Variants in LINGO2 observed in about 807,000 individuals in gnomAD.
LINGO2 encodes the protein leucine-rich repeat and immunoglobulin-like domain-containing nogo receptor-interacting protein 2.
A neutral mutation model predicts 30.6 loss-of-function variants in LINGO2; 14 were observed. That is an observed-to-expected ratio of 0.46 (90% CI 0.30 to 0.72). The LOEUF (loss-of-function observed/expected upper bound fraction) is 0.72, where lower values mean the gene tolerates loss of function less well. LINGO2 is among the 30% of genes least tolerant of loss of function. The pLI, the probability that LINGO2 is intolerant of heterozygous loss-of-function variation, is 0.07. For missense variants in LINGO2, 729 were observed against 751.7 expected, an observed-to-expected ratio of 0.97 and a Z score of 0.35; for synonymous variants, 317 against 288.5, an observed-to-expected ratio of 1.10 and a Z score of -1.00.
At chr9:28,651,536 C>G (rs1024907054) in intron 1 of LINGO2, among the ~76,000 whole-genome samples, 2 of 152,056 alleles carry the variant, frequency 1.3e-5, no homozygotes, top group African/African-American at 4.8e-5. Flanking sequence ...TCCATCAGAG[C>G]TCTCTAAGGG....
chr9:29,195,071 T>C, the LINGO2 span, among the ~76,000 whole-genome samples: 1 of 151,632 alleles, frequency 6.6e-6, no homozygotes, highest in African/African-American at 2.4e-5. Context: ...TAATCTTTTT[T>C]CCATGTCTAC....
At chr9:28,008,272 T>G (rs1226582616) in intron 5 of LINGO2, among the ~76,000 whole-genome samples, 1 of 152,184 alleles carries the variant, frequency 6.6e-6, no homozygotes, top group East Asian at 1.9e-4. Context: ...TATTTATTCC[T>G]CTATATCATC....
At chr9:28,226,683 GAA>G (rs1411371313) in intron 4 of LINGO2, among the ~76,000 whole-genome samples, 4 of 94,274 alleles carry the variant, frequency 4.2e-5, no homozygotes, top group Non-Finnish European at 8.1e-5. Flanking sequence ...AAGAAAGAAA[GAA>G]AGAAAGAAAG....
intron 2 of LINGO2, among the ~76,000 whole-genome samples, chr9:28,402,084 C>A (rs866928330): frequency 6.6e-6 from 1 of 152,050 alleles, no homozygotes; most frequent in Admixed American, 6.6e-5. Context: ...TGACCAAGGC[C>A]TCACTAGGGC....
At chr9:28,943,142 G>A in the LINGO2 span, among the ~76,000 whole-genome samples, 15 of 152,244 alleles carry the variant, frequency 9.9e-5, no homozygotes, top group African/African-American at 2.4e-4. Context: ...AGGTAAAGAC[G>A]CAATCTCAGG....
In LINGO2 at chr9:28,218,546, A is replaced by G. The variant is rs540679622; in HGVS notation, c.-87+76662T>C. On this transcript the variant is annotated intron_variant, in intron 4 of 5. Coordinates refer to ENST00000379992, the Ensembl canonical transcript of LINGO2. ...AAGCCATGGCCTCTAATAATTTTGT[A>G]TCATCTCACAGCCCAATATCCCGTG... 2.6e-5 allele frequency among the ~76,000 whole-genome samples: 4 copies of G among 152,244 alleles called. No homozygotes were observed. In the East Asian group the frequency reaches 5.8e-4, roughly 22 times the overall value.
intron 2 of LINGO2, among the ~76,000 whole-genome samples, chr9:28,412,440 A>G (rs1188897781): frequency 6.6e-6 from 1 of 152,090 alleles, no homozygotes; most frequent in Non-Finnish European, 1.5e-5. Flanking sequence ...ACATAAAATA[A>G]AAATTAAAAA....
intron 5 of LINGO2, among the ~76,000 whole-genome samples, chr9:28,007,014 C>T (rs1822300500): frequency 6.6e-6 from 1 of 152,236 alleles, no homozygotes; most frequent in South Asian, 2.1e-4. Context: ...AATCTGGACC[C>T]TTGTGACTAG....
chr9:28,588,864 C>A (rs1017826426), intron 1 of LINGO2, among the ~76,000 whole-genome samples: 16 of 152,022 alleles, frequency 1.1e-4, no homozygotes, highest in Admixed American at 8.5e-4. Context: ...GACTCAAGGC[C>A]AGTTCCTTCC....
chr9:28,744,639 T>TGTGTGTGTGTGTGTGTGTGTGTGTG, the LINGO2 span, among the ~76,000 whole-genome samples: 1 of 141,536 alleles, frequency 7.1e-6, no homozygotes, highest in Non-Finnish European at 1.5e-5. Context: ...TGTGTGTGTG[T>TGTGTGTGTGTGTGTGTGTGTGTGTG]ATTTTTTTTT....
At chr9:28,832,658 G>C in the LINGO2 span, among the ~76,000 whole-genome samples, 2 of 152,088 alleles carry the variant, frequency 1.3e-5, no homozygotes, top group Non-Finnish European at 2.9e-5. Context: ...ACATAAAAGA[G>C]TAGTTTTAGC....
chr9:28,981,554 C>T, the LINGO2 span, among the ~76,000 whole-genome samples: 2 of 152,150 alleles, frequency 1.3e-5, no homozygotes, highest in East Asian at 3.9e-4. Context: ...TCTCACTTTG[C>T]CCCTGTCTTG....
intron 4 of LINGO2, among the ~76,000 whole-genome samples, chr9:28,276,720 A>T (rs2134109421): frequency 6.6e-6 from 1 of 152,270 alleles, no homozygotes; most frequent in Admixed American, 6.5e-5. Flanking sequence ...TTATCTAGTG[A>T]TTAACTGCAC....
At chr9:28,972,589 G>A in the LINGO2 span, among the ~76,000 whole-genome samples, 1 of 152,174 alleles carries the variant, frequency 6.6e-6, no homozygotes, top group Non-Finnish European at 1.5e-5. Context: ...TGAGCTTGAA[G>A]ACAGGCTATT....
the LINGO2 span, among the ~76,000 whole-genome samples, chr9:28,991,210 T>G: frequency 2.0e-5 from 3 of 151,442 alleles, no homozygotes; most frequent in African/African-American, 7.3e-5. Flanking sequence ...GAGAACTACG[T>G]GAAGAATGCA....
the LINGO2 span, among the ~76,000 whole-genome samples, chr9:28,687,705 C>T: frequency 1.3e-5 from 2 of 152,060 alleles, no homozygotes; most frequent in African/African-American, 4.8e-5. Context: ...TCAATGCATG[C>T]TCAAGCTCAA....
the LINGO2 span, among the ~76,000 whole-genome samples, chr9:28,784,557 G>C: frequency 3.7e-4 from 56 of 152,258 alleles, no homozygotes; most frequent in South Asian, 0.011. Flanking sequence ...TTTGCACATA[G>C]TTGCTACTCA....
At chr9:28,363,958 A>T (rs1820553453) in intron 3 of LINGO2, among the ~76,000 whole-genome samples, 1 of 148,816 alleles carries the variant, frequency 6.7e-6, no homozygotes, top group Admixed American at 6.7e-5. Flanking sequence ...ATTTGTTGTA[A>T]TTGCATTAAT....
At chr9:28,996,135 G>T in the LINGO2 span, among the ~76,000 whole-genome samples, 1 of 146,736 alleles carries the variant, frequency 6.8e-6, no homozygotes, top group East Asian at 2.0e-4. Flanking sequence ...AAAAAAAAAG[G>T]ACTGTGAAGT....
Sources: gnomAD v4.1 joint callset for allele counts (sites outside exome capture counted in the v4.1 genomes callset) on GRCh38, gnomAD v4.1.1 for gene constraint, MANE v1.5 for transcripts, NCBI Gene and HGNC (gene_info 2026-07-23, HGNC 2026-07-21) for gene names.